STAR: variants seen among roughly 807,000 people sequenced by gnomAD.
STAR encodes steroidogenic acute regulatory protein, mitochondrial.
A neutral mutation model predicts 32.3 loss-of-function variants in STAR; 32 were observed. That is an observed-to-expected ratio of 0.99 (90% confidence interval 0.75 to 1.33). STAR has a LOEUF of 1.33. Ranked by LOEUF, STAR falls within the 40% of genes most tolerant of loss-of-function variation. The probability of loss-of-function intolerance (pLI) is 0.00; values close to 1 mark genes in which losing one functional copy is unlikely to be tolerated. For missense variants in STAR, 375 were observed against 379.0 expected (o/e 0.99, Z 0.09); for synonymous variants, 134 against 140.5 (o/e 0.95, Z 0.33).
In STAR at chr8:38,150,649, C is replaced by G. The variant is rs1802650783; in HGVS notation, c.64+106G>C. On this transcript the variant is annotated intron_variant, in intron 1 of 6. Coordinates refer to ENST00000276449, the MANE Select transcript of STAR (RefSeq NM_000349.3). The stretch of plus-strand genomic sequence containing the variant: ...GATTCAAGAAGGGAAGAAACTTGCC[C>G]AGGTTCACCCAGTAAGAGGCACAAC... 8 of 1,559,440 alleles carry G rather than the reference C, an allele frequency of 5.1e-6. No individual in the cohort carries two copies. The South Asian group carries it at 8.9e-5, about 17-fold the overall frequency.
intron 2 of STAR, 32 bp from the exon 3 acceptor site, chr8:38,148,359 C>T (rs958122266): frequency 6.2e-7 from 1 of 1,612,958 alleles, no homozygotes; most frequent in African/African-American, 1.3e-5. Context: ...GACAGAGCTT[C>T]CTTCTTCTCC....
At chr8:38,144,749 G>C in intron 6 of STAR, 1 of 794,474 alleles carries the variant, frequency 1.3e-6, no homozygotes, top group Non-Finnish European at 1.7e-6. Flanking sequence ...AGGCGCAGTG[G>C]CTCACGCCTG....
chr8:38,145,350 TGCG>T lies in STAR; in HGVS notation c.651-38_651-36del, dbSNP rs781268398. ...GGAGAAGTCAAGTCAGGAGGACAGT[TGCG>T]AGTTCTCTCTTGCACTGGCTGCTTA... On this transcript the variant is annotated intron_variant, in intron 5 of 6. Transcript: ENST00000276449. The T allele has an allele frequency of 5.6e-6, 9 of 1,613,716 alleles. No homozygotes were observed. The African/African-American group carries it at 9.3e-5, about 17-fold the overall frequency.
At chr8:38,146,532 C>T (rs569937810) in intron 3 of STAR, 85 bp from the exon 4 acceptor site, 6 of 1,476,524 alleles carry the variant, frequency 4.1e-6, no homozygotes, top group Middle Eastern at 1.7e-4. Context: ...AATCCCAGCA[C>T]TTTGGGAGGC....
In STAR at chr8:38,143,113, C is replaced by CT. The variant is rs1239388535; in HGVS notation, c.*1159dup. On this transcript the variant is annotated 3_prime_UTR_variant, in exon 7 of 7. Transcript: ENST00000276449. ...TTAATCAGCTATTGCTTATAGAATT[C>CT]TTTAAGAACTCATTTAGGTTATGAT... 2.6e-5 allele frequency among the ~76,000 whole-genome samples: 4 copies of CT among 152,106 alleles called. No individual in the cohort carries two copies. The highest frequency in any genetic ancestry group is 5.9e-5 in the Non-Finnish European group (4 of 68,018).
intron 1 of STAR, chr8:38,149,105 T>A: frequency 3.0e-6 from 1 of 332,098 alleles, no homozygotes; most frequent in South Asian, 2.7e-5. Context: ...TCCTGAGGCC[T>A]GTGTGCTTGC....
Position 38,146,037 on chromosome 8 carries a change from G to T in STAR, c.576C>A (p.Arg192=). 1 of 1,614,242 alleles carries T rather than the reference G, an allele frequency of 6.2e-7. No homozygotes were observed. Among genetic ancestry groups the T allele is most frequent in the Non-Finnish European group, 8.5e-7 (1 of 1,180,048 alleles). The change falls in exon 5 of 7, where the codon CGC becomes CGA. Residue 192 remains arginine, a synonymous_variant. Transcript: ENST00000276449. ...RDFVSVRCAK[R]RGSTCVLAGM... ...CAGCCAGCACACAGGTGGAGCCTCG[G>T]CGCTTGGCACAGCGCACGCTCACAA...
chr8:38,147,294 G>A (rs1281058607), intron 3 of STAR, among the ~76,000 whole-genome samples: 2 of 152,150 alleles, frequency 1.3e-5, no homozygotes, highest in Non-Finnish European at 2.9e-5. Context: ...TGTCTTGGTG[G>A]TGAATGATGG....
chr8:38,144,686 A>C, intron 6 of STAR: 6 of 1,197,056 alleles, frequency 5.0e-6, no homozygotes, highest in Non-Finnish European at 6.4e-6. Flanking sequence ...CCTTCTTTCT[A>C]AAATGATAAC....
At chr8:38,148,167 T>A (rs746920563) in intron 3 of STAR, 33 bp downstream of exon 3, 10 of 1,613,292 alleles carry the variant, frequency 6.2e-6, no homozygotes, top group Non-Finnish European at 8.5e-6. Context: ...CAGTGGAGCA[T>A]GGAGGAACCA....
chr8:38,150,376 G>A (rs1207777423), intron 1 of STAR, among the ~76,000 whole-genome samples: 1 of 150,464 alleles, frequency 6.6e-6, no homozygotes, highest in Non-Finnish European at 1.5e-5. Flanking sequence ...TCCAGCCTCT[G>A]TGACAGAGAC....
intron 2 of STAR, 134 bp downstream of exon 2, chr8:38,148,507 G>A (rs1305711298): frequency 7.5e-7 from 1 of 1,340,486 alleles, no homozygotes; most frequent in African/African-American, 1.4e-5. Flanking sequence ...ATCTGGCCTT[G>A]AGGAACTCTA....
chr8:38,145,923 T>TA (rs778797575), intron 5 of STAR, 40 bp downstream of exon 5: 1 of 1,611,756 alleles, frequency 6.2e-7, no homozygotes, highest in Non-Finnish European at 8.5e-7. Context: ...TGCAGGCCTG[T>TA]GTTAGAAGAG....
Position 38,144,204 on chromosome 8 carries a change from A to G in STAR, c.*69T>C, listed in dbSNP as rs1802519307. On this transcript the variant is annotated 3_prime_UTR_variant, in exon 7 of 7. Transcript: ENST00000276449. ...GGAGATCTTAGACTTGCAGGCTTCC[A>G]GTAGGGATTCTCCTGATGAGCGTGT... The G allele has an allele frequency of 6.8e-7, 1 of 1,476,406 alleles. No individual in the cohort carries two copies. The highest frequency in any genetic ancestry group is 1.2e-5 in the South Asian group (1 of 82,408). 91.5% of individuals were successfully genotyped at this position (1,476,406 alleles called of 1,614,324 possible).
intron 4 of STAR, 69 bp from the exon 5 acceptor site, chr8:38,146,216 G>T (rs1454365154): frequency 4.3e-6 from 7 of 1,613,290 alleles, no homozygotes; most frequent in Non-Finnish European, 5.1e-6. Context: ...CACAGCTAGG[G>T]GTCCTCTCTT....
chr8:38,150,565 T>C (rs1585628579), intron 1 of STAR, among the ~76,000 whole-genome samples, 190 bp downstream of exon 1: 1 of 152,086 alleles, frequency 6.6e-6, no homozygotes. Context: ...CCAGAAATTA[T>C]AGAATCTGGA....
chr8:38,150,717 T>G (rs201447533), intron 1 of STAR, 38 bp downstream of exon 1: 2 of 1,604,050 alleles, frequency 1.2e-6, no homozygotes, highest in East Asian at 4.5e-5. Context: ...CGCTGAGAGC[T>G]GGCCAACCCC....
At chr8:38,149,439 C>T (rs1802631469) in intron 1 of STAR, among the ~76,000 whole-genome samples, 1 of 152,216 alleles carries the variant, frequency 6.6e-6, no homozygotes, top group South Asian at 2.1e-4. Flanking sequence ...TGCGAATCAG[C>T]TCTACAAAAG....
In STAR at chr8:38,146,346, CT is replaced by C. The variant is rs1449423249; in HGVS notation, c.407del (p.Glu136GlyfsTer50). 1 of 1,614,176 alleles carries C rather than the reference CT, an allele frequency of 6.2e-7. No individual in the cohort carries two copies. The highest frequency in any genetic ancestry group is 2.2e-5 in the East Asian group (1 of 44,882). ...VDQPMERLYE[E>X]LVERMEAMGE... Reference sequence around the variant, plus strand: ...CCATTGCTTCCATGCGCTCCACGAGCTCTTCATAGAGCCTCTCCATGGGCTG... The same window carrying C: ...CCATTGCTTCCATGCGCTCCACGAGCCTTCATAGAGCCTCTCCATGGGCTG... On this transcript the variant is annotated frameshift_variant, in exon 4 of 7. Coordinates refer to ENST00000276449, the MANE Select transcript of STAR (RefSeq NM_000349.3). LOFTEE classifies it high-confidence loss of function.
Sources: allele counts gnomAD v4.1 joint callset (sites outside exome capture counted in the v4.1 genomes callset), GRCh38; gene constraint gnomAD v4.1.1; transcripts MANE v1.5; gene names NCBI Gene and HGNC (gene_info 2026-07-23, HGNC 2026-07-21).